MAP1LC3B2: variants seen among roughly 807,000 people sequenced by gnomAD.
MAP1LC3B2 encodes the protein microtubule-associated protein 1 light chain 3 beta 2.
For synonymous variants in MAP1LC3B2, 62 were observed against 57.8 expected, an observed-to-expected ratio of 1.07 and a Z score of -0.33; for missense variants, 155 against 154.6, an observed-to-expected ratio of 1.00 and a Z score of -0.01.
intron 1 of MAP1LC3B2, among the ~76,000 whole-genome samples, chr12:116,569,221 TATA>T (rs1202377473): frequency 6.6e-6 from 1 of 152,116 alleles, no homozygotes; most frequent in Non-Finnish European, 1.5e-5. Flanking sequence ...GATATTCTGT[TATA>T]GTAGCAGAAC....
rs749733081 is a variant in MAP1LC3B2 at position 116,576,230 on chromosome 12, A to C, written c.288A>C (p.Ser96=). 2.5e-6 allele frequency: 4 copies of C among 1,613,826 alleles called. No individual in the cohort carries two copies. Among genetic ancestry groups the C allele is most frequent in the Non-Finnish European group, 3.4e-6 (4 of 1,179,864 alleles). The change falls in exon 2 of 2, where the codon TCA becomes TCC. Residue 96 remains serine (S), a synonymous_variant. Coordinates refer to ENST00000556529, the MANE Select transcript of MAP1LC3B2 (RefSeq NM_001085481.3). ...HSMVSVSTPI[S]EVYESEKDED... is the part of the protein sequence containing the mutation. ...TGGTCAGCGTCTCCACACCAATCTC[A>C]GAGGTGTATGAGAGTGAGAAAGATG...
intron 1 of MAP1LC3B2, among the ~76,000 whole-genome samples, chr12:116,569,300 T>TAAACAGTGG (rs539885627): frequency 1.3e-3 from 202 of 152,312 alleles, no homozygotes; most frequent in African/African-American, 4.8e-3. Context: ...TGAAGAGACC[T>TAAACAGTGG]AAACAGTGGG....
At chr12:116,565,695 C>T (rs1006929279) in intron 1 of MAP1LC3B2, among the ~76,000 whole-genome samples, 3 of 152,184 alleles carry the variant, frequency 2.0e-5, no homozygotes, top group African/African-American at 7.2e-5. Flanking sequence ...GGTCTAGTCA[C>T]AGTCATGGGC....
Position 116,571,974 on chromosome 12 carries a change from A to AC in MAP1LC3B2, c.-101-3868_-101-3867insC, listed in dbSNP as rs560081888. 1.5e-4 allele frequency among the ~76,000 whole-genome samples: 23 copies of AC among 151,946 alleles called. No individual in the cohort carries two copies. In the East Asian group the frequency reaches 4.3e-3, roughly 28 times the overall value. The stretch of plus-strand genomic sequence containing the variant: ...ATAGCTATGACCGTTACAAAAAAAA[A>AC]AAGGGTTAGGGAGAAACTTGTCCTC... On this transcript the variant is annotated intron_variant, in intron 1 of 1. Coordinates refer to ENST00000556529, the MANE Select transcript of MAP1LC3B2 (RefSeq NM_001085481.3).
chr12:116,572,369 CT>C (rs34609295), intron 1 of MAP1LC3B2, among the ~76,000 whole-genome samples: 75,701 of 146,644 alleles, frequency 0.52, 19,583 homozygotes, highest in Admixed American at 0.61. Context: ...TGCCTCAGTT[CT>C]TTTTTTTTTT....
At chr12:116,560,230 A>ATG (rs1317294327) in intron 1 of MAP1LC3B2, 47 of 94,982 alleles carry the variant, frequency 4.9e-4, no homozygotes, top group South Asian at 3.3e-3. Context: ...ATATATATAT[A>ATG]TATATATATA....
In MAP1LC3B2 at chr12:116,576,082, TGG is replaced by T. The variant is rs755143202; in HGVS notation, c.141_142del (p.Asp48Ter). ...AAGGGTGAGAAGCAGCTTCCTGTTC[TGG>T]ATAAAACAAAGTTCCTTGTACCTGA... On this transcript the variant is annotated frameshift_variant, in exon 2 of 2. Coordinates refer to ENST00000556529, the MANE Select transcript of MAP1LC3B2 (RefSeq NM_001085481.3). LOFTEE classifies it low-confidence loss of function (END_TRUNC). 6.2e-6 allele frequency: 10 copies of T among 1,614,234 alleles called. No individual in the cohort carries two copies. The African/African-American group carries it at 1.3e-4, about 22-fold the overall frequency.
intron 1 of MAP1LC3B2, among the ~76,000 whole-genome samples, chr12:116,574,100 G>A (rs1057013245): frequency 2.6e-5 from 4 of 152,224 alleles, no homozygotes; most frequent in South Asian, 4.1e-4. Context: ...TTATTATAAC[G>A]TGGTGGAAAA....
chr12:116,565,671 G>T (rs1014347192), intron 1 of MAP1LC3B2, among the ~76,000 whole-genome samples: 1 of 152,142 alleles, frequency 6.6e-6, no homozygotes, highest in African/African-American at 2.4e-5. Context: ...TCAAATTTCT[G>T]GGAGGAGATA....
chr12:116,567,336 A>G (rs1869414511), intron 1 of MAP1LC3B2, among the ~76,000 whole-genome samples: 2 of 152,190 alleles, frequency 1.3e-5, no homozygotes. Context: ...TTCTTTCTCA[A>G]GAAAGAAATC....
At chr12:116,566,863 A>G (rs1253079191) in intron 1 of MAP1LC3B2, among the ~76,000 whole-genome samples, 1 of 132,128 alleles carries the variant, frequency 7.6e-6, no homozygotes, top group African/African-American at 2.7e-5. Flanking sequence ...TCCAGGAGGT[A>G]GAGGTTGCAG....
At chr12:116,574,309 A>G (rs1474170849) in intron 1 of MAP1LC3B2, among the ~76,000 whole-genome samples, 1 of 152,038 alleles carries the variant, frequency 6.6e-6, no homozygotes, top group Non-Finnish European at 1.5e-5. Context: ...TGAGCAAGTC[A>G]TGATATATTT....
chr12:116,560,216 A>ATATATATATATGTATATG (rs1869226308), intron 1 of MAP1LC3B2: 1 of 70,994 alleles, frequency 1.4e-5, no homozygotes, highest in African/African-American at 5.5e-5. Flanking sequence ...ATATATATAT[A>ATATATATATATGTATATG]TATATATATA....
intron 1 of MAP1LC3B2, among the ~76,000 whole-genome samples, chr12:116,563,734 G>A (rs1018367253): frequency 3.3e-5 from 5 of 152,050 alleles, no homozygotes; most frequent in South Asian, 2.1e-4. Flanking sequence ...GCAATTATTC[G>A]TAGGATAGAT....
rs749123478 is a variant in MAP1LC3B2, at chr12:116,570,867, G to A, written c.-101-4975G>A. Reference sequence around the variant, plus strand: ...GTTTACCAGGATGTATTAATAAGTCGAGAAGCACCTGTGTAAGGCAACTGA... The same window carrying A: ...GTTTACCAGGATGTATTAATAAGTCAAGAAGCACCTGTGTAAGGCAACTGA... On this transcript the variant is annotated intron_variant, in intron 1 of 1. Coordinates refer to ENST00000556529, the MANE Select transcript of MAP1LC3B2 (RefSeq NM_001085481.3). Among the ~76,000 whole-genome samples the A allele has an allele frequency of 1.2e-4, 18 of 152,294 alleles. No homozygotes were observed. The East Asian group carries it at 1.7e-3, about 15-fold the overall frequency.
intron 1 of MAP1LC3B2, among the ~76,000 whole-genome samples, chr12:116,562,612 A>G (rs1412179157): frequency 6.6e-6 from 1 of 152,222 alleles, no homozygotes; most frequent in Non-Finnish European, 1.5e-5. Context: ...TCTGTACCAT[A>G]AAAGAGTTGG....
chr12:116,560,337 C>G (rs532109957), intron 1 of MAP1LC3B2, among the ~76,000 whole-genome samples: 2 of 151,412 alleles, frequency 1.3e-5, no homozygotes, highest in East Asian at 3.9e-4. Flanking sequence ...CAACCTCTGC[C>G]TCCTGGGTTC....
intron 1 of MAP1LC3B2, among the ~76,000 whole-genome samples, chr12:116,570,560 T>G (rs1404826497): frequency 6.6e-6 from 1 of 152,200 alleles, no homozygotes; most frequent in African/African-American, 2.4e-5. Flanking sequence ...CCCCATACTG[T>G]TCTGGTGGTA....
intron 1 of MAP1LC3B2, among the ~76,000 whole-genome samples, chr12:116,575,223 T>TA (rs963512021): frequency 3.3e-5 from 5 of 151,618 alleles, no homozygotes; most frequent in East Asian, 1.9e-4. Context: ...CAATTTTTAT[T>TA]AAAAAAATAA....
Sources: allele counts gnomAD v4.1 joint callset (sites outside exome capture counted in the v4.1 genomes callset), GRCh38; gene constraint gnomAD v4.1.1; transcripts MANE v1.5; gene names NCBI Gene and HGNC (gene_info 2026-07-23, HGNC 2026-07-21).